The following MUC22 variants were observed in gnomAD, a reference collection of about 807,000 sequenced individuals.
The protein encoded by MUC22 is mucin-22.
MUC22 carries 24 observed loss-of-function variants against 40.3 expected under a neutral mutation model. The ratio of observed to expected loss-of-function variants is 0.60; its 90% CI spans 0.43 to 0.84. MUC22 has a LOEUF of 0.84. MUC22 is among the 40% of genes least tolerant of loss of function. The pLI is 0.00. For synonymous variants in MUC22, 765 were observed against 844.5 expected, an observed-to-expected ratio of 0.91 and a Z score of 1.63; for missense variants, 1,926 against 2,130.7, an observed-to-expected ratio of 0.90 and a Z score of 1.89.
intron 3 of MUC22, 66 bp from the exon 4 acceptor site, chr6:31,034,606 A>T (rs1766308211): frequency 7.5e-7 from 1 of 1,332,840 alleles, no homozygotes; most frequent in African/African-American, 1.5e-5. Context: ...TGAAACAGGC[A>T]TGTATGGTGA....
chr6:31,026,247 C>CTG lies in MUC22; in HGVS notation c.816_817insTG (p.Thr273Ter). On this transcript the variant is annotated frameshift_variant, in exon 2 of 4. Coordinates refer to ENST00000561890, the Ensembl canonical transcript of MUC22. LOFTEE classifies it high-confidence loss of function. Reference sequence around the variant, plus strand: ...GCTCTAACACCACCACAGCCTCTACCACAGGCTCTGAGACCACTACAATCC... The same window carrying CTG: ...GCTCTAACACCACCACAGCCTCTACCTGACAGGCTCTGAGACCACTACAATCC... 1.6e-6 allele frequency: 2 copies of CTG among 1,277,550 alleles called. No individual in the cohort carries two copies. Among genetic ancestry groups the CTG allele is most frequent in the Non-Finnish European group, 2.1e-6 (2 of 954,356 alleles). 79.1% of individuals were successfully genotyped at this position (1,277,550 alleles called of 1,614,324 possible).
At position 31,026,910 on chromosome 6, in the gene MUC22, C is replaced by T; in HGVS notation, c.1479C>T (p.Gly493=). ...AGACCACCAAAGTCTCAACTGCAGG[C>T]TCTGAGACCACAGTCTCCACTGCAG... Residue 493 remains glycine, a synonymous_variant, in exon 2 of 4, where the codon GGC becomes GGT. Transcript: ENST00000561890. 3 of 1,505,342 alleles carry T rather than the reference C, an allele frequency of 2.0e-6. No homozygotes were observed. The South Asian group carries it at 3.7e-5, about 18-fold the overall frequency. 93.2% of individuals were successfully genotyped at this position (1,505,342 alleles called of 1,614,324 possible).
At chr6:31,030,395 T>C (rs903528766) in intron 2 of MUC22, among the ~76,000 whole-genome samples, 1 of 151,956 alleles carries the variant, frequency 6.6e-6, no homozygotes, top group Non-Finnish European at 1.5e-5. Context: ...CGGGCACCTG[T>C]AGTCCCAGCT....
At chr6:31,029,263 A>G (rs555235563) in exon 2 of MUC22, 4 of 1,522,374 alleles carry the variant, frequency 2.6e-6, no homozygotes, top group African/African-American at 1.5e-5. Flanking sequence ...GACTACCATC[A>G]CCTCTACTGA....
At chr6:31,031,760 C>T (rs1279702823) in intron 2 of MUC22, among the ~76,000 whole-genome samples, 2 of 152,022 alleles carry the variant, frequency 1.3e-5, no homozygotes, top group Non-Finnish European at 2.9e-5. Context: ...TGAGAACATA[C>T]GATGTTCGGT....
exon 4 of MUC22, chr6:31,034,904 A>G (rs909728137): frequency 6.5e-7 from 1 of 1,535,544 alleles, no homozygotes; most frequent in African/African-American, 1.4e-5. Context: ...GGAGTGAATC[A>G]TGGCGGGCAT....
chr6:31,024,567 A>C (rs1291044469), intron 1 of MUC22, among the ~76,000 whole-genome samples: 1 of 152,170 alleles, frequency 6.6e-6, no homozygotes, highest in Admixed American at 6.5e-5. Flanking sequence ...CTAAACTCTG[A>C]GTATACCCCT....
rs1265140122 is a variant in MUC22, at chr6:31,029,431, G to T, written c.4000G>T (p.Glu1334Ter). ...CACCACAGCCTCTACCGCAGATTTG[G>T]AGACCACCACAGTCTCCACCTCAGG... Residue 1334 changes from glutamate (E) to a stop codon, truncating the protein, a stop_gained, in exon 2 of 4, where the codon GAG (glutamate) becomes TAG (stop). Coordinates refer to ENST00000561890, the Ensembl canonical transcript of MUC22. LOFTEE classifies it high-confidence loss of function. The T allele has an allele frequency of 3.9e-6, 6 of 1,534,502 alleles. No homozygotes were observed. The African/African-American group carries it at 8.2e-5, about 21-fold the overall frequency.
At chr6:31,030,141 C>T in intron 2 of MUC22, 41 bp downstream of exon 2, 1 of 1,471,840 alleles carries the variant, frequency 6.8e-7, no homozygotes, top group East Asian at 2.5e-5. Flanking sequence ...CACATTTTAA[C>T]TCCAGTGGCA....
chr6:31,027,514 A>T (rs953876293), exon 2 of MUC22: 7 of 1,530,772 alleles, frequency 4.6e-6, no homozygotes, highest in Non-Finnish European at 5.2e-6. Flanking sequence ...AGGCTCTGAG[A>T]TCACAATAGC....
chr6:31,033,968 C>A (rs1315697572), intron 3 of MUC22, among the ~76,000 whole-genome samples: 1 of 152,156 alleles, frequency 6.6e-6, no homozygotes, highest in African/African-American at 2.4e-5. Context: ...CCCTAAATTA[C>A]TTTATTATTT....
In MUC22 at chr6:31,032,161, T is replaced by C; in HGVS notation, c.4670-35T>C. 6.6e-7 allele frequency: 1 copy of C among 1,508,104 alleles called. No homozygotes were observed. The highest frequency in any genetic ancestry group is 8.8e-7 in the Non-Finnish European group (1 of 1,133,408). 93.4% of individuals were successfully genotyped at this position (1,508,104 alleles called of 1,614,324 possible). A position where few individuals can be genotyped will look rare whatever the true frequency, so the allele number is the denominator to read the frequency against. On this transcript the variant is annotated intron_variant, in intron 2 of 3. Coordinates refer to ENST00000561890, the Ensembl canonical transcript of MUC22. This position sits in a 1 kb window ranked among gnomAD's most constrained non-coding sequence, Gnocchi z 4.1. ...CCCATTCCCCTTTAATCATCTCTGCTACAAATGCATCATCTTGTGTGACCT... is the reference window on the plus strand; with the variant it reads ...CCCATTCCCCTTTAATCATCTCTGCCACAAATGCATCATCTTGTGTGACCT...
chr6:31,028,504 A>T (rs1765657816), exon 2 of MUC22: 1 of 1,533,870 alleles, frequency 6.5e-7, no homozygotes, highest in Admixed American at 2.0e-5. Context: ...CTCTGAGACC[A>T]CCATGGCATC....
At chr6:31,010,066 C>T (rs1022734463), upstream of MUC22, among the ~76,000 whole-genome samples, 1 of 152,216 alleles carries the variant, frequency 6.6e-6, no homozygotes, top group Admixed American at 6.5e-5. Flanking sequence ...TATCACCCTC[C>T]AAATCCCCAG....
intron 1 of MUC22, among the ~76,000 whole-genome samples, chr6:31,012,629 TTAAA>T (rs945463210): frequency 6.6e-6 from 1 of 152,218 alleles, no homozygotes; most frequent in African/African-American, 2.4e-5. Context: ...AAACATAGAC[TTAAA>T]TAATATTTCC....
intron 1 of MUC22, among the ~76,000 whole-genome samples, chr6:31,022,576 A>C (rs979487446): frequency 6.6e-5 from 10 of 150,948 alleles, no homozygotes; most frequent in Non-Finnish European, 1.5e-4. Flanking sequence ...TTTTCATTTA[A>C]ATTTTAAAAG....
chr6:31,021,365 C>T (rs543840844), intron 1 of MUC22, among the ~76,000 whole-genome samples: 3 of 150,586 alleles, frequency 2.0e-5, no homozygotes, highest in South Asian at 2.1e-4. Context: ...ATACACCAAT[C>T]GGCACTCTGT....
intron 1 of MUC22, among the ~76,000 whole-genome samples, chr6:31,021,611 ACT>A (rs1387148547): frequency 2.1e-5 from 3 of 143,706 alleles, no homozygotes; most frequent in Admixed American, 2.0e-4. Context: ...ACCAATCGAC[ACT>A]CTGTATCTAG....
At chr6:31,020,695 T>G (rs1764623544) in intron 1 of MUC22, among the ~76,000 whole-genome samples, 1 of 152,120 alleles carries the variant, frequency 6.6e-6, no homozygotes, top group Non-Finnish European at 1.5e-5. Context: ...CAGAGCCGGC[T>G]CCCTCAGCTT....
Sources: gnomAD v4.1 joint callset for allele counts (sites outside exome capture counted in the v4.1 genomes callset) on GRCh38, gnomAD v4.1.1 for gene constraint, Gnocchi (gnomAD v3.1) non-coding constraint, MANE v1.5 for transcripts, NCBI Gene and HGNC (gene_info 2026-07-23, HGNC 2026-07-21) for gene names.